The following ZNF474 variants were observed in gnomAD, a reference collection of about 807,000 sequenced individuals.
ZNF474 encodes the protein zinc finger protein 474, also known as 4933409D10Rik.
For missense variants in ZNF474, 511 were observed against 433.8 expected (o/e 1.18, Z -1.58); for synonymous variants, 192 against 162.2 (o/e 1.18, Z -1.39).
At chr5:122,135,924 T>C (rs1755689369) in intron 1 of ZNF474, among the ~76,000 whole-genome samples, 1 of 151,710 alleles carries the variant, frequency 6.6e-6, no homozygotes, top group African/African-American at 2.4e-5. Context: ...TACTCAAATG[T>C]GGGAGCTAAA....
chr5:122,152,799 C>A lies in ZNF474; in HGVS notation c.809C>A (p.Pro270Gln), dbSNP rs373847268. 50 of 1,614,106 alleles carry A rather than the reference C, an allele frequency of 3.1e-5. 1 individual carries two copies. In the South Asian group the frequency reaches 5.2e-4, roughly 17 times the overall value. ...QPLPQKPQPL[P>Q]NAQSSQAGPN... ...CTCCCACAGAAGCCTCAGCCCCTTC[C>A]GAATGCACAGTCCAGCCAAGCGGGA... is the stretch of plus-strand genomic sequence containing the variant. Residue 270 changes from proline (P) to glutamine (Q), a missense_variant, in exon 2 of 2, where the codon CCG becomes CAG. Physicochemically the swap from Pro to Gln is moderately conservative, Grantham distance 76. Coordinates refer to ENST00000296600, the MANE Select transcript of ZNF474 (RefSeq NM_207317.3).
chr5:122,152,128 GA>G lies in ZNF474; in HGVS notation c.139del (p.Ser47ValfsTer8), dbSNP rs1561444318. ...SYSSLSPETE[S>X]VNPGENIKTD... ...ATTCTAGCCTTTCCCCAGAAACAGAGAGTGTTAATCCTGGTGAAAATATAAA... is the reference window on the plus strand; with the variant it reads ...ATTCTAGCCTTTCCCCAGAAACAGAGGTGTTAATCCTGGTGAAAATATAAA... On this transcript the variant is annotated frameshift_variant, in exon 2 of 2. Coordinates refer to ENST00000296600, the MANE Select transcript of ZNF474 (RefSeq NM_207317.3). LOFTEE classifies it low-confidence loss of function (END_TRUNC). 3 of 1,614,178 alleles carry G rather than the reference GA, an allele frequency of 1.9e-6. No homozygotes were observed. The highest frequency in any genetic ancestry group is 1.7e-5 in the Admixed American group (1 of 60,012).
chr5:122,130,962 T>C (rs946489921), intron 1 of ZNF474, among the ~76,000 whole-genome samples: 1 of 152,172 alleles, frequency 6.6e-6, no homozygotes, highest in Non-Finnish European at 1.5e-5. Context: ...ACTCATCTTA[T>C]AGCTGAAGGT....
At position 122,151,962 on chromosome 5, in the gene ZNF474, G is replaced by C. The variant is rs866449431; in HGVS notation, c.-29G>C. ...AAAGTGAGTCTGGCCTGAAATCAGA[G>C]CAAGCACTACAGAAAGACATCTTTG... On this transcript the variant is annotated 5_prime_UTR_variant, in exon 2 of 2. Coordinates refer to ENST00000296600, the MANE Select transcript of ZNF474 (RefSeq NM_207317.3). 3.8e-6 allele frequency: 6 copies of C among 1,585,548 alleles called. No individual in the cohort carries two copies. Among genetic ancestry groups the C allele is most frequent in the East Asian group, 4.5e-5 (2 of 44,790 alleles).
intron 1 of ZNF474, among the ~76,000 whole-genome samples, chr5:122,136,240 A>G (rs1755697070): frequency 6.6e-6 from 1 of 152,214 alleles, no homozygotes; most frequent in Admixed American, 6.6e-5. Flanking sequence ...TTATATCAAA[A>G]TATCATACCT....
intron 1 of ZNF474, among the ~76,000 whole-genome samples, chr5:122,150,862 C>A (rs776544155): frequency 6.6e-6 from 1 of 152,080 alleles, no homozygotes; most frequent in Non-Finnish European, 1.5e-5. Flanking sequence ...AGGTATGATA[C>A]CTTTTTAATA....
At chr5:122,151,362 C>A (rs1035677381) in intron 1 of ZNF474, among the ~76,000 whole-genome samples, 12 of 152,146 alleles carry the variant, frequency 7.9e-5, no homozygotes, top group African/African-American at 2.9e-4. Context: ...GTGGAAGTTT[C>A]TGTGGGGCCC....
chr5:122,142,740 C>T (rs1274676206), intron 1 of ZNF474, among the ~76,000 whole-genome samples: 1 of 152,098 alleles, frequency 6.6e-6, no homozygotes, highest in East Asian at 1.9e-4. Flanking sequence ...AATGGTATGA[C>T]AATCATATTT....
chr5:122,139,598 T>C (rs1755785026), intron 1 of ZNF474, among the ~76,000 whole-genome samples: 1 of 152,192 alleles, frequency 6.6e-6, no homozygotes, highest in Non-Finnish European at 1.5e-5. Flanking sequence ...ATTTTTTCCA[T>C]ATAATTATGG....
chr5:122,132,584 A>T (rs1404848302), intron 1 of ZNF474, among the ~76,000 whole-genome samples: 1 of 152,018 alleles, frequency 6.6e-6, no homozygotes, highest in Admixed American at 6.6e-5. Context: ...AAATATTAGG[A>T]TCATAGATAT....
intron 1 of ZNF474, among the ~76,000 whole-genome samples, chr5:122,130,146 C>T (rs1351385958): frequency 6.6e-6 from 1 of 152,028 alleles, no homozygotes; most frequent in Admixed American, 6.6e-5. Flanking sequence ...GCTATAATTA[C>T]TCAGTTGTCT....
At chr5:122,139,880 A>G (rs1755791806) in intron 1 of ZNF474, among the ~76,000 whole-genome samples, 1 of 152,210 alleles carries the variant, frequency 6.6e-6, no homozygotes, top group Non-Finnish European at 1.5e-5. Context: ...GTTATTTGCC[A>G]TATTTGCATT....
chr5:122,145,890 A>C (rs758178504), intron 1 of ZNF474, among the ~76,000 whole-genome samples: 8 of 152,182 alleles, frequency 5.3e-5, no homozygotes, highest in Non-Finnish European at 1.0e-4. Context: ...AAATTTAGAA[A>C]CTTAGAAGAG....
At chr5:122,141,333 G>A (rs1282179140) in intron 1 of ZNF474, among the ~76,000 whole-genome samples, 20 of 120,830 alleles carry the variant, frequency 1.7e-4, no homozygotes, top group African/African-American at 7.2e-4. Flanking sequence ...TTTGTGAGAG[G>A]GAGTCTCCCT....
intron 1 of ZNF474, among the ~76,000 whole-genome samples, chr5:122,143,124 G>T (rs1333463799): frequency 6.6e-6 from 1 of 152,112 alleles, no homozygotes; most frequent in African/African-American, 2.4e-5. Flanking sequence ...CAGAAATAAG[G>T]CACAACTTTG....
chr5:122,133,693 G>T (rs542148047), intron 1 of ZNF474, among the ~76,000 whole-genome samples: 1 of 152,120 alleles, frequency 6.6e-6, no homozygotes, highest in East Asian at 1.9e-4. Flanking sequence ...CCAAGTAGCT[G>T]GGACTACAGG....
At position 122,152,390 on chromosome 5, in the gene ZNF474, C is replaced by G; in HGVS notation, c.400C>G (p.Pro134Ala). The change falls in exon 2 of 2, where the codon CCA becomes GCA. Residue 134 changes from proline to alanine, a missense_variant. Transcript: ENST00000296600. ...NSKLPKHLRR[P>A]EPSKPQSLSS... The stretch of plus-strand genomic sequence containing the variant: ...CAAGTTGCCCAAGCATTTGAGGAGG[C>G]CAGAACCCTCCAAACCACAGTCTCT... The G allele has an allele frequency of 6.2e-7, 1 of 1,614,162 alleles. No homozygotes were observed. The highest frequency in any genetic ancestry group is 1.1e-5 in the South Asian group (1 of 91,080).
intron 1 of ZNF474, among the ~76,000 whole-genome samples, chr5:122,150,190 G>A (rs542525684): frequency 6.6e-6 from 1 of 152,190 alleles, no homozygotes; most frequent in Admixed American, 6.5e-5. Flanking sequence ...CTATTCCTAT[G>A]TTCCATAGAT....
intron 1 of ZNF474, among the ~76,000 whole-genome samples, chr5:122,132,823 T>G (rs1755612481): frequency 6.6e-6 from 1 of 152,228 alleles, no homozygotes; most frequent in African/African-American, 2.4e-5. Context: ...GTTTCTGGAC[T>G]GTCTATCCTG....
Sources: allele counts gnomAD v4.1 joint callset (sites outside exome capture counted in the v4.1 genomes callset), GRCh38; gene constraint gnomAD v4.1.1; transcripts MANE v1.5; gene names NCBI Gene and HGNC (gene_info 2026-07-23, HGNC 2026-07-21).